Variants in CASZ1 observed in about 807,000 individuals in gnomAD.
The protein encoded by CASZ1 is zinc finger protein castor homolog 1.
In CASZ1, 28 loss-of-function variants were observed where a neutral mutation model predicts 135.2. That is an observed-to-expected ratio of 0.21 (90% CI 0.15 to 0.28). The LOEUF is 0.28. Ranked by LOEUF, CASZ1 falls within the 10% of genes least tolerant of loss-of-function variation. The pLI is 1.00. For synonymous variants in CASZ1, 1,068 were observed against 1,073.4 expected (o/e 0.99, Z 0.10); for missense variants, 2,161 against 2,453.3 (o/e 0.88, Z 2.52).
intron 4 of CASZ1, among the ~76,000 whole-genome samples, chr1:10,674,584 C>T (rs888569796): frequency 6.6e-6 from 1 of 152,248 alleles, no homozygotes; most frequent in African/African-American, 2.4e-5. Flanking sequence ...TGTAACACAG[C>T]GTTGCTGAGG....
At chr1:10,662,656 C>T (rs1048069902) in intron 5 of CASZ1, among the ~76,000 whole-genome samples, 1 of 152,072 alleles carries the variant, frequency 6.6e-6, no homozygotes, top group Admixed American at 6.6e-5. Flanking sequence ...CTTGCTCACC[C>T]CCACACAGTC....
chr1:10,688,122 T>C (rs1638652299), intron 4 of CASZ1, among the ~76,000 whole-genome samples: 1 of 152,122 alleles, frequency 6.6e-6, no homozygotes. Flanking sequence ...TACCATCTAA[T>C]GGTCACCATT....
At chr1:10,659,240 G>T (rs1316502576) in intron 6 of CASZ1, among the ~76,000 whole-genome samples, 1 of 152,214 alleles carries the variant, frequency 6.6e-6, no homozygotes. Context: ...CCCAGCCAGG[G>T]TGGCGCCTTC....
Position 10,711,585 on chromosome 1 carries a change from C to CAAAAAAAAAAAAAAAAGAAAAAA in CASZ1, c.-76-6042_-76-6041insTTTTTTCTTTTTTTTTTTTTTTT. On this transcript the variant is annotated intron_variant, in intron 2 of 20. Coordinates refer to ENST00000377022, the MANE Select transcript of CASZ1 (RefSeq NM_001079843.3). The surrounding 1 kb of genome is among the most constrained non-coding windows in gnomAD (Gnocchi z 4.4). ...CCAGAAAAAATGGAAAACAGGTACTCAAAAAAAAAAAAAAAAGAAAAACAA... is the reference window on the plus strand; with the variant it reads ...CCAGAAAAAATGGAAAACAGGTACTCAAAAAAAAAAAAAAAAGAAAAAAAAAAAAAAAAAAAAAAGAAAAACAA... Among the ~76,000 whole-genome samples the CAAAAAAAAAAAAAAAAGAAAAAA allele has an allele frequency of 1.0e-5, 1 of 97,582 alleles. No individual in the cohort carries two copies. Among genetic ancestry groups the CAAAAAAAAAAAAAAAAGAAAAAA allele is most frequent in the Non-Finnish European group, 2.4e-5 (1 of 41,454 alleles). The allele number at this position is 97,582 out of a possible 152,430, so 64.0% of individuals were successfully genotyped here. A position where few individuals can be genotyped will look rare whatever the true frequency, so the allele number is the denominator to read the frequency against.
intron 1 of CASZ1, among the ~76,000 whole-genome samples, chr1:10,780,891 CAA>C (rs1406862531): frequency 6.6e-6 from 1 of 152,184 alleles, no homozygotes; most frequent in East Asian, 1.9e-4. Context: ...TTCAATCCCA[CAA>C]AGAGTCACAG....
chr1:10,752,102 G>A (rs1640161085), intron 2 of CASZ1, among the ~76,000 whole-genome samples: 5 of 152,182 alleles, frequency 3.3e-5, no homozygotes, highest in Admixed American at 2.6e-4. Context: ...GAGCTAGCAC[G>A]GGCTGCCCAG....
intron 1 of CASZ1, among the ~76,000 whole-genome samples, chr1:10,785,728 A>G (rs776908): frequency 0.76 from 116,327 of 152,236 alleles, 44,789 homozygotes; most frequent in Non-Finnish European, 0.82. Flanking sequence ...TTGGCTAAGC[A>G]CCGAGGCTCT....
At chr1:10,695,580 AC>A (rs61026086) in intron 3 of CASZ1, among the ~76,000 whole-genome samples, 2,819 of 16,680 alleles carry the variant, frequency 0.17, 276 homozygotes, top group South Asian at 0.37. Context: ...CCTCCCCGCC[AC>A]CCCCCCCCCC....
chr1:10,662,953 G>A (rs935077638), intron 5 of CASZ1, among the ~76,000 whole-genome samples: 2 of 152,188 alleles, frequency 1.3e-5, no homozygotes, highest in South Asian at 2.1e-4. Context: ...CCCCATGGCC[G>A]AGCCGTGACC....
intron 3 of CASZ1, among the ~76,000 whole-genome samples, chr1:10,702,798 AC>A (rs1236411955): frequency 4.6e-5 from 7 of 152,192 alleles, no homozygotes; most frequent in African/African-American, 1.7e-4. Context: ...GGGCTTGTTG[AC>A]TGCAAACTGT....
chr1:10,751,336 C>A (rs1557550759), intron 2 of CASZ1, among the ~76,000 whole-genome samples: 1 of 152,036 alleles, frequency 6.6e-6, no homozygotes, highest in African/African-American at 2.4e-5. Flanking sequence ...ACACACTGAC[C>A]TCAGAGTAGC....
chr1:10,756,344 C>G lies in CASZ1; in HGVS notation c.-77+4357G>C, dbSNP rs564837957. Among the ~76,000 whole-genome samples the G allele has an allele frequency of 4.4e-4, 67 of 152,334 alleles. No homozygotes were observed. Among genetic ancestry groups the G allele is most frequent in the African/African-American group, 1.5e-3 (63 of 41,592 alleles). The stretch of plus-strand genomic sequence containing the variant: ...CGCAAGACATCACCGGCCCTCCCTT[C>G]CTGTCACCTCCATGGAGGTCAGGTC... On this transcript the variant is annotated intron_variant, in intron 2 of 20. Coordinates refer to ENST00000377022, the MANE Select transcript of CASZ1 (RefSeq NM_001079843.3). This position sits in a 1 kb window ranked among gnomAD's most constrained non-coding sequence, Gnocchi z 5.9.
intron 10 of CASZ1, 47 bp downstream of exon 10, chr1:10,654,372 C>T: frequency 1.3e-6 from 2 of 1,598,378 alleles, no homozygotes; most frequent in Non-Finnish European, 1.7e-6. Context: ...TCCTTGCCTT[C>T]CCTCCCCGCT....
At chr1:10,775,563 C>T (rs1640647413) in intron 1 of CASZ1, among the ~76,000 whole-genome samples, 1 of 152,066 alleles carries the variant, frequency 6.6e-6, no homozygotes, top group African/African-American at 2.4e-5. Flanking sequence ...GGTCTTTTTC[C>T]CTGGTTCCTT....
At chr1:10,729,050 G>A (rs1258736391) in intron 2 of CASZ1, among the ~76,000 whole-genome samples, 1 of 151,856 alleles carries the variant, frequency 6.6e-6, no homozygotes, top group Non-Finnish European at 1.5e-5. Flanking sequence ...TCTTGGACAG[G>A]CTGCCATGCT....
In CASZ1 at chr1:10,777,019, G is replaced by A. The variant is rs1008699202; in HGVS notation, c.-233-16162C>T. Among the ~76,000 whole-genome samples the A allele has an allele frequency of 6.6e-6, 1 of 152,184 alleles. No homozygotes were observed. Among genetic ancestry groups the A allele is most frequent in the Non-Finnish European group, 1.5e-5 (1 of 68,032 alleles). On this transcript the variant is annotated intron_variant, in intron 1 of 20. Coordinates refer to ENST00000377022, the MANE Select transcript of CASZ1 (RefSeq NM_001079843.3). This position sits in a 1 kb window ranked among gnomAD's most constrained non-coding sequence, Gnocchi z 4.4. ...CGGCCAGCCTCACCCTGAGCCAGTGGGGAAGATGACCGTGTTTCCAAATGG... is the reference window on the plus strand; with the variant it reads ...CGGCCAGCCTCACCCTGAGCCAGTGAGGAAGATGACCGTGTTTCCAAATGG...
chr1:10,748,260 T>C (rs1008042249), intron 2 of CASZ1, among the ~76,000 whole-genome samples: 8 of 152,190 alleles, frequency 5.3e-5, no homozygotes, highest in Admixed American at 3.3e-4. Context: ...CCTGTGTGTA[T>C]ACCATGTTCT....
chr1:10,703,439 T>C (rs1428545965), intron 3 of CASZ1, among the ~76,000 whole-genome samples: 1 of 151,992 alleles, frequency 6.6e-6, no homozygotes, highest in East Asian at 1.9e-4. Flanking sequence ...CCTCAGCAGC[T>C]CCCGATAACT....
chr1:10,775,265 C>T (rs1420634466), intron 1 of CASZ1, among the ~76,000 whole-genome samples: 1 of 152,174 alleles, frequency 6.6e-6, no homozygotes, highest in Non-Finnish European at 1.5e-5. Context: ...GAATTCTTCA[C>T]CCAAAACTCA....
Sources: gnomAD v4.1 joint callset for allele counts (sites outside exome capture counted in the v4.1 genomes callset) on GRCh38, gnomAD v4.1.1 for gene constraint, Gnocchi (gnomAD v3.1) non-coding constraint, MANE v1.5 for transcripts, NCBI Gene and HGNC (gene_info 2026-07-23, HGNC 2026-07-21) for gene names.